Variants in WDR47 observed in about 807,000 individuals in gnomAD.
WDR47 encodes WD repeat domain 47.
A neutral mutation model predicts 97.2 loss-of-function variants in WDR47; 32 were observed. The ratio of observed to expected loss-of-function variants is 0.33; its 90% CI spans 0.25 to 0.44. The LOEUF (loss-of-function observed/expected upper bound fraction) is 0.44. WDR47 is among the 20% of genes least tolerant of loss of function. WDR47 has a pLI of 1.00. For missense variants in WDR47, 782 were observed against 1,102.3 expected (o/e 0.71, Z 4.11); for synonymous variants, 375 against 373.5 (o/e 1.00, Z -0.05).
Position 108,974,726 on chromosome 1 carries a change from A to T in WDR47, c.2427T>A (p.Asp809Glu), listed in dbSNP as rs745789792. 8.7e-6 allele frequency: 14 copies of T among 1,612,822 alleles called. No individual in the cohort carries two copies. In the South Asian group the frequency reaches 1.3e-4, roughly 15 times the overall value. ...TGSAVASVAV[D>E]PSGRLLATGQ... ...CTGTGGCTAAGAGACGACCACTGGG[A>T]TCTACAGCTACAGATGCCACTGCAC... Residue 809 changes from aspartate (D) to glutamate (E), a missense_variant, in exon 14 of 15, where the codon GAT becomes GAA. Physicochemically the swap from Asp to Glu is conservative, Grantham distance 45. Coordinates refer to ENST00000369962, the MANE Select transcript of WDR47 (RefSeq NM_001142551.2).
chr1:108,999,638 C>CA (rs1439975842), intron 7 of WDR47, among the ~76,000 whole-genome samples: 2 of 151,066 alleles, frequency 1.3e-5, no homozygotes, highest in Admixed American at 6.6e-5. Flanking sequence ...CACACTACTG[C>CA]ACTCCAGACT....
intron 5 of WDR47, among the ~76,000 whole-genome samples, chr1:109,006,342 G>A (rs973325023): frequency 1.3e-5 from 2 of 150,378 alleles, no homozygotes; most frequent in African/African-American, 2.4e-5. Flanking sequence ...GTGGTGAGCC[G>A]AGATCGCGCC....
At chr1:109,036,317 T>C (rs533104022) in intron 1 of WDR47, among the ~76,000 whole-genome samples, 3 of 152,204 alleles carry the variant, frequency 2.0e-5, no homozygotes, top group African/African-American at 7.2e-5. Context: ...CTCACATCTG[T>C]AATCCCAGCA....
chr1:109,023,553 G>C (rs1300454307), intron 1 of WDR47, 32 bp from the exon 2 acceptor site: 3 of 1,584,840 alleles, frequency 1.9e-6, no homozygotes, highest in Non-Finnish European at 2.6e-6. Context: ...AATAAAGCTA[G>C]TCCTATTGAT....
At chr1:108,991,072 G>C (rs1172090289) in intron 9 of WDR47, among the ~76,000 whole-genome samples, 182 bp downstream of exon 9, 1 of 151,782 alleles carries the variant, frequency 6.6e-6, no homozygotes, top group Non-Finnish European at 1.5e-5. Flanking sequence ...CTATCCACAG[G>C]TGCGATTCTA....
In WDR47 at chr1:108,972,186, G is replaced by A. The variant is rs531572456; in HGVS notation, c.2618-614C>T. ...TCAATGGCACCATCTGGTTGCTCAT[G>A]ACAAAAACCTAGGAATCGTCATTGA... On this transcript the variant is annotated intron_variant, in intron 14 of 14. Transcript: ENST00000369962. Among the ~76,000 whole-genome samples, 86 of 151,994 alleles carry A rather than the reference G, an allele frequency of 5.7e-4. No homozygotes were observed. In the South Asian group the frequency reaches 0.018, roughly 32 times the overall value.
rs1315880296 is a variant in WDR47, at chr1:108,982,704, C to T, written c.2171G>A (p.Gly724Glu). 1.9e-6 allele frequency: 3 copies of T among 1,613,870 alleles called. No individual in the cohort carries two copies. The highest frequency in any genetic ancestry group is 3.3e-5 in the Admixed American group (2 of 59,966). The change falls in exon 12 of 15, where the codon GGA (glycine) becomes GAA (glutamate). Residue 724 changes from glycine to glutamate, a missense_variant. By Grantham distance (98) the Gly-to-Glu change is moderately conservative (BLOSUM62 -2). This residue lies in a region of WDR47 where 228 missense variants were observed against 396.7 expected (regional missense o/e 0.57). Transcript: ENST00000369962. Reference protein sequence around the residue: ...LAFMEGPESGGAILISAGAGD... With the variant: ...LAFMEGPESGEAILISAGAGD... ...TGCTCCAGCACTTATTAAAATAGCT[C>T]CTCCGCTTTCTGGGCCTTCCATAAA...
chr1:109,021,294 G>A (rs1273368776), intron 2 of WDR47, among the ~76,000 whole-genome samples: 7 of 152,112 alleles, frequency 4.6e-5, no homozygotes, highest in East Asian at 1.9e-4. Flanking sequence ...TTGGGAGGCC[G>A]AGGCAGGCAG....
At chr1:108,998,685 C>T (rs1318491318) in intron 7 of WDR47, among the ~76,000 whole-genome samples, 1 of 151,992 alleles carries the variant, frequency 6.6e-6, no homozygotes, top group East Asian at 1.9e-4. Context: ...TCCTATCATG[C>T]TATAATTTTT....
rs1365377784 is a variant in WDR47, at chr1:108,983,468, C to G, written c.1926-17G>C. On this transcript the variant is annotated splice_polypyrimidine_tract_variant and intron_variant, in intron 10 of 14. Coordinates refer to ENST00000369962, the MANE Select transcript of WDR47 (RefSeq NM_001142551.2). ...TCATGTGCACTGAAAAGAAAAATTA[C>G]AGAAATATATTTCAATTTCTTGCTT... The G allele has an allele frequency of 5.9e-6, 9 of 1,526,792 alleles. No individual in the cohort carries two copies. The highest frequency in any genetic ancestry group is 2.8e-5 in the African/African-American group (2 of 71,298). The allele number at this position is 1,526,792 out of a possible 1,614,324, so 94.6% of individuals were successfully genotyped here.
At chr1:109,012,595 A>AAAAAAAAC (rs1661127663) in intron 4 of WDR47, among the ~76,000 whole-genome samples, 1 of 144,580 alleles carries the variant, frequency 6.9e-6, no homozygotes, top group African/African-American at 2.5e-5. Context: ...AAAAAACAGA[A>AAAAAAAAC]AGGGAATGCC....
intron 9 of WDR47, among the ~76,000 whole-genome samples, chr1:108,990,398 G>A (rs1432794811): frequency 1.3e-5 from 2 of 151,054 alleles, no homozygotes; most frequent in Non-Finnish European, 3.0e-5. Context: ...TAGTAGAGAC[G>A]GGGTTTTGCC....
chr1:108,975,886 C>T (rs193223276), intron 13 of WDR47, among the ~76,000 whole-genome samples: 220 of 151,982 alleles, frequency 1.4e-3, no homozygotes, highest in Non-Finnish European at 2.0e-3. Flanking sequence ...AGGGCTATTA[C>T]GATCAGGAAG....
At chr1:109,024,232 G>T (rs1301767329) in intron 1 of WDR47, among the ~76,000 whole-genome samples, 1 of 152,174 alleles carries the variant, frequency 6.6e-6, no homozygotes, top group East Asian at 1.9e-4. Context: ...TGGAGGGACT[G>T]CTTGAGTTCA....
chr1:109,006,404 G>C (rs140107156), intron 5 of WDR47, among the ~76,000 whole-genome samples: 612 of 152,210 alleles, frequency 4.0e-3, no homozygotes, highest in African/African-American at 0.014. Flanking sequence ...AAAAACAAAA[G>C]ACTGAGGAGT....
At chr1:108,988,187 G>T (rs1230628281) in intron 9 of WDR47, among the ~76,000 whole-genome samples, 1 of 147,008 alleles carries the variant, frequency 6.8e-6, no homozygotes, top group Non-Finnish European at 1.5e-5. Context: ...TGAGGCTATA[G>T]TGAGCCTGGG....
At chr1:108,995,532 A>G (rs757820456) in intron 8 of WDR47, 48 bp downstream of exon 8, 3 of 1,600,862 alleles carry the variant, frequency 1.9e-6, no homozygotes, top group African/African-American at 1.3e-5. Flanking sequence ...CCTTCTAACC[A>G]TTAGTAGTAA....
intron 2 of WDR47, among the ~76,000 whole-genome samples, chr1:109,017,817 G>A (rs7540472): frequency 0.19 from 29,283 of 151,072 alleles, 2,936 homozygotes; most frequent in African/African-American, 0.23. Flanking sequence ...CACAATCTCG[G>A]CTCACTGCAC....
intron 13 of WDR47, among the ~76,000 whole-genome samples, chr1:108,979,595 G>C (rs1341722314): frequency 2.0e-5 from 3 of 152,032 alleles, no homozygotes; most frequent in Non-Finnish European, 4.4e-5. Flanking sequence ...TGTGAATGTG[G>C]GATGATGGGA....
Sources: allele counts gnomAD v4.1 joint callset (sites outside exome capture counted in the v4.1 genomes callset), GRCh38; gene constraint gnomAD v4.1.1; regional missense constraint gnomAD v4.1.1; transcripts MANE v1.5; gene names NCBI Gene and HGNC (gene_info 2026-07-23, HGNC 2026-07-21).